The following PRKG1 variants were observed in gnomAD, a reference collection of about 807,000 sequenced individuals.
PRKG1 encodes cGMP-dependent protein kinase 1.
In PRKG1, 35 loss-of-function variants were observed where a neutral mutation model predicts 88.1. That is an observed-to-expected ratio of 0.40 (90% CI 0.30 to 0.53). The LOEUF (loss-of-function observed/expected upper bound fraction) is 0.53, where lower values mean the gene tolerates loss of function less well. Ranked by LOEUF, PRKG1 falls within the 20% of genes least tolerant of loss-of-function variation. The probability of loss-of-function intolerance (pLI) is 0.59; values close to 1 mark genes in which losing one functional copy is unlikely to be tolerated. For missense variants in PRKG1, 540 were observed against 839.8 expected (o/e 0.64, Z 4.41); for synonymous variants, 303 against 292.5 (o/e 1.04, Z -0.37).
chr10:51,776,597 G>A (rs1838443485), intron 3 of PRKG1, among the ~76,000 whole-genome samples: 1 of 152,110 alleles, frequency 6.6e-6, no homozygotes, highest in African/African-American at 2.4e-5. Flanking sequence ...AGCCAAGGTG[G>A]GCAGATCACT....
At chr10:51,605,098 A>T (rs866609663) in intron 3 of PRKG1, among the ~76,000 whole-genome samples, 3 of 151,690 alleles carry the variant, frequency 2.0e-5, no homozygotes, top group Non-Finnish European at 4.4e-5. Context: ...CCAAGGCTAT[A>T]CTCCCCTCGG....
At chr10:51,895,160 T>G (rs957120718) in intron 4 of PRKG1, among the ~76,000 whole-genome samples, 1 of 152,114 alleles carries the variant, frequency 6.6e-6, no homozygotes, top group Non-Finnish European at 1.5e-5. Flanking sequence ...AAGAATTGAG[T>G]TTCCATGAGA....
intron 5 of PRKG1, among the ~76,000 whole-genome samples, chr10:52,011,553 A>T (rs1248460785): frequency 1.3e-5 from 2 of 152,110 alleles, no homozygotes; most frequent in Non-Finnish European, 2.9e-5. Flanking sequence ...CACCAAGTTC[A>T]TCCTTTTCAA....
chr10:51,170,443 C>A, intron 2 of PRKG1, among the ~76,000 whole-genome samples: 1 of 148,044 alleles, frequency 6.8e-6, no homozygotes, highest in Non-Finnish European at 1.5e-5. Flanking sequence ...GGTATACACA[C>A]ACACACACAC....
At chr10:51,962,188 C>G (rs1248842831) in intron 5 of PRKG1, among the ~76,000 whole-genome samples, 1 of 152,078 alleles carries the variant, frequency 6.6e-6, no homozygotes, top group Non-Finnish European at 1.5e-5. Context: ...AAAACTAGCA[C>G]CAAGGATGGG....
rs115010329 is a variant in PRKG1, at chr10:51,774,998, G to T, written c.593-29587G>T. ...TATCAGTCTTAAAATACTCATTTTA[G>T]TCTTTTTACCTTTTCTCCAGAGGAT... is the stretch of plus-strand genomic sequence containing the variant. On this transcript the variant is annotated intron_variant, in intron 3 of 17. Coordinates refer to ENST00000373980, the MANE Select transcript of PRKG1 (RefSeq NM_006258.4). Among the ~76,000 whole-genome samples the T allele has an allele frequency of 2.9e-3, 437 of 152,168 alleles. 2 individuals carry two copies. Among genetic ancestry groups the T allele is most frequent in the African/African-American group, 8.4e-3 (350 of 41,536 alleles).
chr10:52,246,551 G>T (rs979934821), intron 9 of PRKG1, among the ~76,000 whole-genome samples: 1 of 152,004 alleles, frequency 6.6e-6, no homozygotes, highest in African/African-American at 2.4e-5. Context: ...TTACTCCTTA[G>T]TTCTTAAAAG....
intron 2 of PRKG1, among the ~76,000 whole-genome samples, chr10:51,415,579 T>C (rs1314535289): frequency 6.6e-6 from 1 of 152,196 alleles, no homozygotes; most frequent in Admixed American, 6.5e-5. Flanking sequence ...AATTATTTTA[T>C]AAGATTGCTC....
intron 1 of PRKG1, among the ~76,000 whole-genome samples, chr10:51,123,381 C>T (rs1002371368): frequency 3.3e-5 from 5 of 152,160 alleles, no homozygotes; most frequent in Middle Eastern, 3.4e-3. Flanking sequence ...GCCTTTCTTG[C>T]GTTGCTATAA....
At chr10:51,620,092 C>G (rs1839167760) in intron 3 of PRKG1, among the ~76,000 whole-genome samples, 1 of 152,032 alleles carries the variant, frequency 6.6e-6, no homozygotes, top group Non-Finnish European at 1.5e-5. Context: ...CCCCCTTACA[C>G]CTCAACAAAC....
Position 51,670,747 on chromosome 10 carries a change from AAT to A in PRKG1, c.593-133836_593-133835del, listed in dbSNP as rs1564599514. Among the ~76,000 whole-genome samples, 64 of 72,580 alleles carry A rather than the reference AAT, an allele frequency of 8.8e-4. 1 individual carries two copies. The highest frequency in any genetic ancestry group is 1.4e-3 in the Non-Finnish European group (45 of 32,062). 47.6% of individuals were successfully genotyped at this position (72,580 alleles called of 152,430 possible). ...CGAGACTCCGTCTCAAAAAAAAATA[AAT>A]AAATAAATAAATAAATAAATAAATA... On this transcript the variant is annotated intron_variant, in intron 3 of 17. Coordinates refer to ENST00000373980, the MANE Select transcript of PRKG1 (RefSeq NM_006258.4).
intron 7 of PRKG1, among the ~76,000 whole-genome samples, chr10:52,069,446 A>G (rs11000688): frequency 0.17 from 26,324 of 152,030 alleles, 2,885 homozygotes; most frequent in South Asian, 0.28. Context: ...TAGGAGAATC[A>G]CTTGAACCCA....
intron 8 of PRKG1, among the ~76,000 whole-genome samples, chr10:52,149,440 C>T (rs187879836): frequency 1.3e-5 from 2 of 152,082 alleles, no homozygotes; most frequent in South Asian, 2.1e-4. Flanking sequence ...GTTCTAACCC[C>T]CAATGTGACT....
intron 2 of PRKG1, among the ~76,000 whole-genome samples, chr10:51,375,142 T>C (rs903276143): frequency 4.8e-4 from 73 of 152,212 alleles, no homozygotes; most frequent in African/African-American, 1.7e-3. Context: ...AAATAAGGCA[T>C]GCATATCAGG....
chr10:52,090,057 C>T (rs886508094), intron 7 of PRKG1, among the ~76,000 whole-genome samples: 14 of 152,042 alleles, frequency 9.2e-5, no homozygotes, highest in African/African-American at 3.1e-4. Context: ...TCGTGATCCA[C>T]CTGCCTTGCC....
intron 1 of PRKG1, among the ~76,000 whole-genome samples, chr10:51,152,780 GA>G (rs1846106549): frequency 6.6e-6 from 1 of 151,758 alleles, no homozygotes; most frequent in Non-Finnish European, 1.5e-5. Context: ...ATTTGTTCTG[GA>G]ATGTTGAAAT....
In PRKG1 at chr10:52,200,611, T is replaced by C. The variant is rs149675929; in HGVS notation, c.1076+38648T>C. On this transcript the variant is annotated intron_variant, in intron 9 of 17. Transcript: ENST00000373980. Reference sequence around the variant, plus strand: ...TCTGGGTTGAACAGTAGTTCTGCTTTAAGTTCTTTGAGAAATTATCAGACT... The same window carrying C: ...TCTGGGTTGAACAGTAGTTCTGCTTCAAGTTCTTTGAGAAATTATCAGACT... Among the ~76,000 whole-genome samples, 256 of 152,312 alleles carry C rather than the reference T, an allele frequency of 1.7e-3. 2 individuals are homozygous for C. The highest frequency in any genetic ancestry group is 5.8e-3 in the African/African-American group (241 of 41,566).
At chr10:52,226,557 G>C (rs887186342) in intron 9 of PRKG1, among the ~76,000 whole-genome samples, 2 of 152,026 alleles carry the variant, frequency 1.3e-5, no homozygotes, top group African/African-American at 4.8e-5. Context: ...GTATTTCCAT[G>C]CTGAAAAATA....
chr10:51,532,482 G>C (rs779328069), intron 3 of PRKG1, among the ~76,000 whole-genome samples: 2 of 152,028 alleles, frequency 1.3e-5, no homozygotes, highest in African/African-American at 4.8e-5. Context: ...TTATTTTACT[G>C]TATCATTTTA....
Sources: allele counts gnomAD v4.1 joint callset (sites outside exome capture counted in the v4.1 genomes callset), GRCh38; gene constraint gnomAD v4.1.1; transcripts MANE v1.5; gene names NCBI Gene and HGNC (gene_info 2026-07-23, HGNC 2026-07-21).